Variants in SLC7A5 observed in about 807,000 individuals in gnomAD.
SLC7A5 encodes the protein large neutral amino acids transporter small subunit 1.
In SLC7A5, 23 loss-of-function variants were observed where a neutral mutation model predicts 50.2. The observed-to-expected ratio is 0.46, with a 90% CI of 0.33 to 0.65. The LOEUF is 0.65. SLC7A5 is among the 30% of genes least tolerant of loss of function. The pLI is 0.02. For missense variants in SLC7A5, 578 were observed against 684.4 expected (o/e 0.84, Z 1.73); for synonymous variants, 393 against 330.6 (o/e 1.19, Z -2.05).
Position 87,852,742 on chromosome 16 carries a change from T to C in SLC7A5, c.539-893A>G, listed in dbSNP as rs550345868. On this transcript the variant is annotated intron_variant, in intron 1 of 9. Transcript: ENST00000261622. The surrounding 1 kb of genome is among the most constrained non-coding windows in gnomAD (Gnocchi z 4.5). ...CTGAGCCACTGTGTGTGTGTGCGTGTGTGTGTGTGTTTTGGGGGGTTCTGT... is the reference window on the plus strand; with the variant it reads ...CTGAGCCACTGTGTGTGTGTGCGTGCGTGTGTGTGTTTTGGGGGGTTCTGT... 2.3e-3 allele frequency among the ~76,000 whole-genome samples: 345 copies of C among 151,224 alleles called. 1 individual carries two copies. The highest frequency in any genetic ancestry group is 8.3e-3 in the African/African-American group (340 of 40,936).
At chr16:87,847,470 G>A (rs903241147) in intron 2 of SLC7A5, among the ~76,000 whole-genome samples, 2 of 152,324 alleles carry the variant, frequency 1.3e-5, no homozygotes, top group African/African-American at 2.4e-5. Context: ...GGCTCAGGGG[G>A]CTGCCTTCAA....
chr16:87,846,957 C>T (rs957950471), intron 2 of SLC7A5, among the ~76,000 whole-genome samples: 2 of 152,130 alleles, frequency 1.3e-5, no homozygotes, highest in African/African-American at 4.8e-5. Flanking sequence ...ACACCCTGGC[C>T]GGGGGGCGGC....
chr16:87,851,467 A>T (rs2055221626), intron 2 of SLC7A5, among the ~76,000 whole-genome samples: 1 of 152,188 alleles, frequency 6.6e-6, no homozygotes, highest in Non-Finnish European at 1.5e-5. Context: ...ATTCACAGAC[A>T]TCGCAGCGTA....
Position 87,832,858 on chromosome 16 carries a change from C to A in SLC7A5, c.*112G>T, listed in dbSNP as rs1374475168. 4.6e-6 allele frequency: 4 copies of A among 865,724 alleles called. No homozygotes were observed. The highest frequency in any genetic ancestry group is 7.9e-6 in the Non-Finnish European group (4 of 505,968). 53.6% of individuals were successfully genotyped at this position (865,724 alleles called of 1,614,324 possible). Reference sequence around the variant, plus strand: ...CCGACCTGGGAGGGACGGCGAGGGACTGGGATGGGCAGCTGAGCTGTGGGT... The same window carrying A: ...CCGACCTGGGAGGGACGGCGAGGGAATGGGATGGGCAGCTGAGCTGTGGGT... On this transcript the variant is annotated 3_prime_UTR_variant, in exon 10 of 10. Transcript: ENST00000261622. This position sits in a 1 kb window ranked among gnomAD's most constrained non-coding sequence, Gnocchi z 4.6.
At chr16:87,842,509 G>A (rs1164531436) in intron 2 of SLC7A5, among the ~76,000 whole-genome samples, 3 of 152,344 alleles carry the variant, frequency 2.0e-5, no homozygotes, top group East Asian at 3.9e-4. Context: ...GATTTCCTAC[G>A]GCAGAGCCCA....
chr16:87,866,098 G>A (rs978252157), intron 1 of SLC7A5, among the ~76,000 whole-genome samples: 3 of 152,138 alleles, frequency 2.0e-5, no homozygotes, highest in Admixed American at 6.6e-5. Context: ...GGGTTCTATG[G>A]GGGGGCGGGG....
Position 87,832,730 on chromosome 16 carries a change from G to C in SLC7A5, c.*240C>G, listed in dbSNP as rs2054948628. 4.2e-6 allele frequency: 2 copies of C among 476,384 alleles called. No individual in the cohort carries two copies. The highest frequency in any genetic ancestry group is 7.7e-6 in the Non-Finnish European group (2 of 260,056). 29.5% of individuals were successfully genotyped at this position (476,384 alleles called of 1,614,324 possible). ...AGGGAAGGGAAAAAGGGCCCAAGGA[G>C]ACCAAAAGCTGCTCCTGGGCAGGAG... On this transcript the variant is annotated 3_prime_UTR_variant, in exon 10 of 10. Coordinates refer to ENST00000261622, the MANE Select transcript of SLC7A5 (RefSeq NM_003486.7). This position sits in a 1 kb window ranked among gnomAD's most constrained non-coding sequence, Gnocchi z 4.6.
intron 8 of SLC7A5, among the ~76,000 whole-genome samples, 188 bp downstream of exon 8, chr16:87,836,310 G>A (rs1406405235): frequency 6.6e-6 from 1 of 152,260 alleles, no homozygotes; most frequent in Non-Finnish European, 1.5e-5. Context: ...CCCGGCTCCT[G>A]CAGTCACACT....
rs185969654 is a variant in SLC7A5 at position 87,835,623 on chromosome 16, G to A, written c.1290+875C>T. ...CGAGTAGCTGCAACTATAGGCGCCC[G>A]CCACCACGCCCAGCTAATTTTTTTG... On this transcript the variant is annotated intron_variant, in intron 8 of 9. Transcript: ENST00000261622. 3.6e-3 allele frequency among the ~76,000 whole-genome samples: 554 copies of A among 152,286 alleles called. 4 individuals are homozygous for A. Among genetic ancestry groups the A allele is most frequent in the Middle Eastern group, 0.01 (3 of 294 alleles).
rs1367590822 is a variant in SLC7A5 at position 87,838,623 on chromosome 16, C to G, written c.1043+91G>C. The G allele has an allele frequency of 4.9e-6, 5 of 1,021,736 alleles. No homozygotes were observed. In the Admixed American group the frequency reaches 8.5e-5, roughly 17 times the overall value. The allele number at this position is 1,021,736 out of a possible 1,614,324, so 63.3% of individuals were successfully genotyped here. On this transcript the variant is annotated intron_variant, in intron 6 of 9. Coordinates refer to ENST00000261622, the MANE Select transcript of SLC7A5 (RefSeq NM_003486.7). ...GAGCAATTATGCATCCCCAGTATCA[C>G]AGAGACAAACCTTTTACAGACATGG...
At chr16:87,865,419 C>G (rs1388609595) in intron 1 of SLC7A5, among the ~76,000 whole-genome samples, 1 of 152,170 alleles carries the variant, frequency 6.6e-6, no homozygotes, top group Admixed American at 6.6e-5. Flanking sequence ...GCTTGGAAAG[C>G]TATTTTAGGC....
chr16:87,851,716 G>A lies in SLC7A5; in HGVS notation c.664+8C>T, dbSNP rs201430228. On this transcript the variant is annotated splice_region_variant and intron_variant, in intron 2 of 9. Transcript: ENST00000261622. Reference sequence around the variant, plus strand: ...GGGCCGCCGGTGGGGCCTGGGGGACGTACTCACCCTTCCCGATCTGGACGA... The same window carrying A: ...GGGCCGCCGGTGGGGCCTGGGGGACATACTCACCCTTCCCGATCTGGACGA... The A allele has an allele frequency of 4.5e-5, 73 of 1,610,154 alleles. No homozygotes were observed. The highest frequency in any genetic ancestry group is 1.3e-4 in the African/African-American group (10 of 74,990).
chr16:87,854,076 C>CCG (rs2055278776), intron 1 of SLC7A5: 1 of 135,650 alleles, frequency 7.4e-6, no homozygotes, highest in Non-Finnish European at 1.6e-5. Flanking sequence ...CCCCCCGCCC[C>CCG]CCCCCCCACC....
chr16:87,869,192 C>G lies in SLC7A5; in HGVS notation c.231G>C (p.Lys77Asn). 14 of 1,612,542 alleles carry G rather than the reference C, an allele frequency of 8.7e-6. No individual in the cohort carries two copies. Among genetic ancestry groups the G allele is most frequent in the Non-Finnish European group, 1.0e-5 (12 of 1,179,822 alleles). Reference sequence around the variant, plus strand: ...GCGCCAGCCCCGGCGAGCCTGCCTCCTTGAGCACGCCCGTGGGCGTCACGA... The same window carrying G: ...GCGCCAGCCCCGGCGAGCCTGCCTCGTTGAGCACGCCCGTGGGCGTCACGA... ...GIFVTPTGVL[K>N]EAGSPGLALV... The change falls in exon 1 of 10, where the codon AAG becomes AAC. Residue 77 changes from lysine to asparagine, a missense_variant. Lys to Asn is a moderately conservative substitution (Grantham distance 94, BLOSUM62 0). This residue lies in a region of SLC7A5 where 465 missense variants were observed against 594.6 expected (regional missense o/e 0.78). Transcript: ENST00000261622.
intron 2 of SLC7A5, among the ~76,000 whole-genome samples, chr16:87,843,839 C>T (rs2055113667): frequency 6.6e-6 from 1 of 152,196 alleles, no homozygotes; most frequent in Non-Finnish European, 1.5e-5. Flanking sequence ...AAGACCATGA[C>T]AAGGCATCAG....
At chr16:87,836,681 G>A (rs750425738) in intron 7 of SLC7A5, 34 bp from the exon 8 acceptor site, 18 of 1,607,702 alleles carry the variant, frequency 1.1e-5, no homozygotes, top group African/African-American at 2.7e-5. Flanking sequence ...GAGCCCTGGG[G>A]CCCACGAGCA....
intron 8 of SLC7A5, 81 bp downstream of exon 8, chr16:87,836,417 G>A: frequency 6.6e-7 from 1 of 1,505,676 alleles, no homozygotes; most frequent in Non-Finnish European, 9.1e-7. Context: ...TGGGATGCTG[G>A]CTCCCAACTC....
At chr16:87,865,515 C>T (rs2055449079) in intron 1 of SLC7A5, among the ~76,000 whole-genome samples, 2 of 151,820 alleles carry the variant, frequency 1.3e-5, no homozygotes, top group Admixed American at 6.6e-5. Context: ...TCAAGACAAG[C>T]CTGGCCAACA....
chr16:87,863,998 T>TATATATATACAC (rs1555516649), intron 1 of SLC7A5, among the ~76,000 whole-genome samples: 6 of 137,632 alleles, frequency 4.4e-5, no homozygotes, highest in South Asian at 2.3e-4. Flanking sequence ...TATATATATA[T>TATATATATACAC]ATATATATAT....
Sources: allele counts gnomAD v4.1 joint callset (sites outside exome capture counted in the v4.1 genomes callset), GRCh38; gene constraint gnomAD v4.1.1; regional missense constraint gnomAD v4.1.1; non-coding constraint Gnocchi (gnomAD v3.1); transcripts MANE v1.5; gene names NCBI Gene and HGNC (gene_info 2026-07-23, HGNC 2026-07-21).